Variants in CFAP61 observed in about 807,000 individuals in gnomAD.
The protein encoded by CFAP61 is cilia- and flagella-associated protein 61.
A neutral mutation model predicts 135.6 loss-of-function variants in CFAP61; 107 were observed. The ratio of observed to expected loss-of-function variants is 0.79; its 90% CI spans 0.67 to 0.93. The LOEUF is 0.93. CFAP61 is among the 40% of genes least tolerant of loss of function. The probability of loss-of-function intolerance (pLI) is 0.00; values close to 1 mark genes in which losing one functional copy is unlikely to be tolerated. For synonymous variants in CFAP61, 575 were observed against 578.5 expected, an observed-to-expected ratio of 0.99 and a Z score of 0.09; for missense variants, 1,507 against 1,556.2, an observed-to-expected ratio of 0.97 and a Z score of 0.53.
chr20:20,085,084 TA>T, intron 6 of CFAP61: 1 of 984,894 alleles, frequency 1.0e-6, no homozygotes, highest in South Asian at 4.7e-5. Context: ...AGAATTGTAC[TA>T]TTTCCGTTGC....
intron 26 of CFAP61, among the ~76,000 whole-genome samples, chr20:20,355,390 C>G (rs1396667302): frequency 2.1e-4 from 10 of 46,970 alleles, no homozygotes; most frequent in Non-Finnish European, 3.0e-4. Context: ...ACACTGTGAG[C>G]AGAGATGGTC....
chr20:20,275,800 T>G (rs2053711173), intron 21 of CFAP61, among the ~76,000 whole-genome samples: 1 of 152,272 alleles, frequency 6.6e-6, no homozygotes, highest in Admixed American at 6.5e-5. Flanking sequence ...AGGCTGATTC[T>G]TTGTTGTGCC....
chr20:20,235,141 C>T (rs1156251865), intron 18 of CFAP61, among the ~76,000 whole-genome samples: 1 of 152,152 alleles, frequency 6.6e-6, no homozygotes. Flanking sequence ...CTGCATCTGA[C>T]TCCTGGTGAG....
rs1473621128 is a variant in CFAP61 at position 20,288,617 on chromosome 20, C to T, written c.2805C>T (p.Phe935=). The T allele has an allele frequency of 6.2e-6, 10 of 1,611,232 alleles. No individual in the cohort carries two copies. Among genetic ancestry groups the T allele is most frequent in the Non-Finnish European group, 8.5e-6 (10 of 1,177,604 alleles). Residue 935 remains phenylalanine, a synonymous_variant, in exon 23 of 27, where the codon TTC becomes TTT. Coordinates refer to ENST00000245957, the MANE Select transcript of CFAP61 (RefSeq NM_015585.4). ...AATTGTTCACTTCGTAGATGTTCTT[C>T]AGCTTCTGTGAGAAGAATGTGGATT... ...KPFRLQCSMF[F]SFCEKNVDYE... is the part of the protein sequence containing the mutation.
At chr20:20,170,946 G>C (rs2146825607) in intron 13 of CFAP61, among the ~76,000 whole-genome samples, 1 of 152,262 alleles carries the variant, frequency 6.6e-6, no homozygotes, top group Non-Finnish European at 1.5e-5. Context: ...CTTTCCATGT[G>C]TCAACACTCA....
At chr20:20,136,467 T>C (rs140552434) in intron 8 of CFAP61, among the ~76,000 whole-genome samples, 35 of 152,280 alleles carry the variant, frequency 2.3e-4, no homozygotes, top group African/African-American at 8.4e-4. Flanking sequence ...AACTTTAAAA[T>C]AGCCTGTTTT....
intron 25 of CFAP61, among the ~76,000 whole-genome samples, chr20:20,332,742 A>T (rs779139190): frequency 6.6e-6 from 1 of 152,068 alleles, no homozygotes; most frequent in Non-Finnish European, 1.5e-5. Context: ...TGCCTCCCAA[A>T]TAGCTAGGAC....
intron 18 of CFAP61, among the ~76,000 whole-genome samples, chr20:20,231,365 G>T (rs916160714): frequency 2.6e-5 from 4 of 152,146 alleles, no homozygotes; most frequent in Admixed American, 2.6e-4. Context: ...CGGGAGACAT[G>T]CATGGCAGGC....
chr20:20,292,025 A>G (rs765708016), intron 24 of CFAP61, among the ~76,000 whole-genome samples: 2 of 152,252 alleles, frequency 1.3e-5, no homozygotes, highest in Non-Finnish European at 2.9e-5. Flanking sequence ...GTTCTGGCCA[A>G]TGAGATGTAA....
rs375264730 is a variant in CFAP61 at position 20,299,695 on chromosome 20, AC to A, written c.3422+1311del. ...TCTGTTTAGCACGGTGTTTGTGAGA[AC>A]CATCCAGGATGATGTCTGTAGCTGT... On this transcript the variant is annotated intron_variant, in intron 25 of 26. Transcript: ENST00000245957. Among the ~76,000 whole-genome samples, 46 of 152,302 alleles carry A rather than the reference AC, an allele frequency of 3.0e-4. No homozygotes were observed. In the South Asian group the frequency reaches 8.5e-3, roughly 28 times the overall value.
intron 23 of CFAP61, among the ~76,000 whole-genome samples, chr20:20,289,547 G>A (rs185945168): frequency 3.9e-5 from 6 of 152,156 alleles, no homozygotes; most frequent in African/African-American, 9.7e-5. Flanking sequence ...ACAAAATTAC[G>A]TGTTCCCTTC....
At chr20:20,251,826 T>C (rs971371468) in intron 20 of CFAP61, 63 bp downstream of exon 20, 5 of 1,519,042 alleles carry the variant, frequency 3.3e-6, no homozygotes, top group East Asian at 2.3e-5. Context: ...GCCATTCATA[T>C]GTTTACTGGG....
intron 17 of CFAP61, among the ~76,000 whole-genome samples, chr20:20,222,187 A>G (rs1031189400): frequency 1.3e-5 from 2 of 152,250 alleles, no homozygotes; most frequent in Non-Finnish European, 2.9e-5. Flanking sequence ...ATGTTTAAGA[A>G]TGGCCACAAG....
intron 24 of CFAP61, among the ~76,000 whole-genome samples, chr20:20,296,304 T>C (rs1392261992): frequency 2.4e-5 from 2 of 84,678 alleles, no homozygotes; most frequent in African/African-American, 1.1e-4. Flanking sequence ...CTTCCCTTCC[T>C]TCCTTCCTTC....
chr20:20,159,307 G>A, intron 9 of CFAP61, 63 bp from the exon 10 acceptor site: 1 of 1,521,036 alleles, frequency 6.6e-7, no homozygotes, highest in East Asian at 2.3e-5. Context: ...TTGCTCCAGA[G>A]CTTGGACTCT....
chr20:20,095,094 AT>A (rs200014833), intron 7 of CFAP61, among the ~76,000 whole-genome samples: 6 of 151,118 alleles, frequency 4.0e-5, no homozygotes, highest in East Asian at 3.9e-4. Context: ...ATCACCTTCC[AT>A]TTTTTTTTAC....
At chr20:20,130,935 C>T (rs1416463898) in intron 8 of CFAP61, among the ~76,000 whole-genome samples, 2 of 151,838 alleles carry the variant, frequency 1.3e-5, no homozygotes, top group Non-Finnish European at 2.9e-5. Context: ...TGATGCCTTC[C>T]ATGAGTTGAG....
chr20:20,121,439 C>T (rs530160179), intron 8 of CFAP61, among the ~76,000 whole-genome samples: 1 of 151,968 alleles, frequency 6.6e-6, no homozygotes, highest in South Asian at 2.1e-4. Context: ...GAATTGACTT[C>T]ATTTAAATTC....
intron 24 of CFAP61, among the ~76,000 whole-genome samples, chr20:20,293,443 A>G (rs1203065984): frequency 6.6e-6 from 1 of 152,214 alleles, no homozygotes; most frequent in Non-Finnish European, 1.5e-5. Context: ...TCCAAGAAAG[A>G]AAAATGTAGG....
Sources: gnomAD v4.1 joint callset for allele counts (sites outside exome capture counted in the v4.1 genomes callset) on GRCh38, gnomAD v4.1.1 for gene constraint, MANE v1.5 for transcripts, NCBI Gene and HGNC (gene_info 2026-07-23, HGNC 2026-07-21) for gene names.